The following MAP2K6 variants were observed in gnomAD, a reference collection of about 807,000 sequenced individuals.
MAP2K6 encodes the protein dual specificity mitogen-activated protein kinase kinase 6.
In MAP2K6, 16 loss-of-function variants were observed where a neutral mutation model predicts 53.7. The observed-to-expected ratio is 0.30, with a 90% CI of 0.20 to 0.45. The LOEUF (loss-of-function observed/expected upper bound fraction) is 0.45, where lower values mean the gene tolerates loss of function less well. Among genes scored for constraint, MAP2K6 ranks in the 20% least tolerant of loss-of-function variants. MAP2K6 has a pLI of 1.00. For synonymous variants in MAP2K6, 132 were observed against 143.1 expected, an observed-to-expected ratio of 0.92 and a Z score of 0.55; for missense variants, 204 against 411.9, an observed-to-expected ratio of 0.50 and a Z score of 4.37.
rs1391209592 is a variant in MAP2K6 at position 69,536,172 on chromosome 17, T to C, written c.927+12T>C. On this transcript the variant is annotated intron_variant, in intron 11 of 11. Transcript: ENST00000590474. ...ACCCAGAGCTAATGGTGAGTATTGTTAGCAACGTAAACATGACTATACTGA... is the reference window on the plus strand; with the variant it reads ...ACCCAGAGCTAATGGTGAGTATTGTCAGCAACGTAAACATGACTATACTGA... 6.2e-7 allele frequency: 1 copy of C among 1,608,198 alleles called. No individual in the cohort carries two copies. The highest frequency in any genetic ancestry group is 1.1e-5 in the South Asian group (1 of 90,514).
At chr17:69,492,250 C>T (rs142513060) in intron 1 of MAP2K6, among the ~76,000 whole-genome samples, 223 of 152,228 alleles carry the variant, frequency 1.5e-3, no homozygotes, top group Non-Finnish European at 2.5e-3. Context: ...AGTGGTAGTG[C>T]CTAGGTTGTC....
At chr17:69,448,382 G>A (rs1467008528) in intron 1 of MAP2K6, among the ~76,000 whole-genome samples, 2 of 151,482 alleles carry the variant, frequency 1.3e-5, no homozygotes, top group African/African-American at 4.9e-5. Flanking sequence ...TTTTTATTTA[G>A]GAAACACAGT....
intron 1 of MAP2K6, among the ~76,000 whole-genome samples, chr17:69,416,098 G>A (rs1452494758): frequency 6.6e-6 from 1 of 152,174 alleles, no homozygotes; most frequent in Non-Finnish European, 1.5e-5. Flanking sequence ...ATGATGAAGA[G>A]AGGTGTTAGA....
chr17:69,535,855 A>G lies in MAP2K6; in HGVS notation c.882-260A>G, dbSNP rs960643883. 3.3e-5 allele frequency among the ~76,000 whole-genome samples: 5 copies of G among 150,244 alleles called. No individual in the cohort carries two copies. In the East Asian group the frequency reaches 1.0e-3, roughly 30 times the overall value. ...GATCAGAAAAATTAGTGTGCATATC[A>G]TCGGTAAAGTATCAAAAGGAAAGTA... On this transcript the variant is annotated intron_variant, in intron 10 of 11. Coordinates refer to ENST00000590474, the MANE Select transcript of MAP2K6 (RefSeq NM_002758.4).
intron 1 of MAP2K6, among the ~76,000 whole-genome samples, chr17:69,477,954 T>C (rs1261102062): frequency 6.6e-6 from 1 of 152,136 alleles, no homozygotes; most frequent in African/African-American, 2.4e-5. Context: ...AAAAGAACTC[T>C]TCATAAACAG....
chr17:69,450,637 C>G (rs561785763), intron 1 of MAP2K6, among the ~76,000 whole-genome samples: 1 of 152,004 alleles, frequency 6.6e-6, no homozygotes, highest in South Asian at 2.1e-4. Context: ...AACGGAATGT[C>G]TTTTCCTTGA....
In MAP2K6 at chr17:69,488,545, A is replaced by T. The variant is rs146709031; in HGVS notation, c.17-17235A>T. Among the ~76,000 whole-genome samples, 207 of 152,336 alleles carry T rather than the reference A, an allele frequency of 1.4e-3. 1 individual carries two copies. The highest frequency in any genetic ancestry group is 6.8e-3 in the Middle Eastern group (2 of 294). On this transcript the variant is annotated intron_variant, in intron 1 of 11. Coordinates refer to ENST00000590474, the MANE Select transcript of MAP2K6 (RefSeq NM_002758.4). ...TAAATGCCCATCAGTAATAGACTGG[A>T]TAAAGAAAATGTGGTACATATACAC...
At chr17:69,516,936 T>C (rs758555925) in intron 3 of MAP2K6, 33 bp downstream of exon 3, 13 of 1,498,908 alleles carry the variant, frequency 8.7e-6, no homozygotes, top group African/African-American at 1.4e-5. Context: ...ACCTAATACG[T>C]TGGCCATTTT....
chr17:69,498,129 T>C (rs958171335), intron 1 of MAP2K6, among the ~76,000 whole-genome samples: 2 of 152,160 alleles, frequency 1.3e-5, no homozygotes, highest in African/African-American at 4.8e-5. Context: ...TGGGGAATGA[T>C]TGACAATTTC....
intron 1 of MAP2K6, among the ~76,000 whole-genome samples, chr17:69,458,150 T>A (rs1907484314): frequency 1.3e-5 from 2 of 152,106 alleles, no homozygotes; most frequent in African/African-American, 2.4e-5. Flanking sequence ...GCCTTCTGGG[T>A]TCCAGTGATC....
intron 1 of MAP2K6, among the ~76,000 whole-genome samples, chr17:69,450,349 C>T (rs145543380): frequency 2.0e-5 from 3 of 152,272 alleles, no homozygotes; most frequent in Non-Finnish European, 2.9e-5. Flanking sequence ...ATAAAGTACT[C>T]GGCTTGACTC....
At chr17:69,438,399 T>C (rs2145145900) in intron 1 of MAP2K6, among the ~76,000 whole-genome samples, 1 of 152,260 alleles carries the variant, frequency 6.6e-6, no homozygotes, top group Non-Finnish European at 1.5e-5. Context: ...TCACAAAAAA[T>C]TATATGGAAG....
intron 1 of MAP2K6, among the ~76,000 whole-genome samples, chr17:69,498,952 G>C (rs2715820): frequency 0.41 from 61,610 of 151,784 alleles, 12,873 homozygotes; most frequent in East Asian, 0.52. Context: ...CTGGCCACTG[G>C]TTTGGAGCCA....
chr17:69,462,266 C>T (rs1283967296), intron 1 of MAP2K6, among the ~76,000 whole-genome samples: 3 of 152,056 alleles, frequency 2.0e-5, no homozygotes, highest in Admixed American at 2.0e-4. Flanking sequence ...AGGGGATGGA[C>T]TCTGGTCAGC....
chr17:69,429,038 G>A (rs767435488), intron 1 of MAP2K6, among the ~76,000 whole-genome samples: 1 of 151,782 alleles, frequency 6.6e-6, no homozygotes, highest in Non-Finnish European at 1.5e-5. Flanking sequence ...GGTTGTCACA[G>A]GCAGCTTTGA....
chr17:69,462,725 C>G (rs1053998875), intron 1 of MAP2K6, among the ~76,000 whole-genome samples: 1 of 152,192 alleles, frequency 6.6e-6, no homozygotes, highest in African/African-American at 2.4e-5. Context: ...GGATTTTCCA[C>G]CTTCATGCTC....
intron 1 of MAP2K6, among the ~76,000 whole-genome samples, chr17:69,475,900 AG>A (rs1908133747): frequency 6.6e-6 from 1 of 152,158 alleles, no homozygotes; most frequent in Non-Finnish European, 1.5e-5. Flanking sequence ...AAATAAGAGG[AG>A]TGTAATCCTG....
chr17:69,485,457 C>T (rs899996183), intron 1 of MAP2K6: 1 of 983,208 alleles, frequency 1.0e-6, no homozygotes, highest in Admixed American at 6.2e-5. Flanking sequence ...ACTACTTCCT[C>T]AGAAGCTTAT....
rs1271027972 is a variant in MAP2K6 at position 69,455,032 on chromosome 17, ATTATTTTT to A, written c.16+40035_16+40042del. The stretch of plus-strand genomic sequence containing the variant: ...GAGTTGGAGAGTCATTCTTACTATT[ATTATTTTT>A]TTTTTTTTTTGGTGGAGGGGAGGTA... On this transcript the variant is annotated intron_variant, in intron 1 of 11. Coordinates refer to ENST00000590474, the MANE Select transcript of MAP2K6 (RefSeq NM_002758.4). 5.7e-5 allele frequency among the ~76,000 whole-genome samples: 3 copies of A among 52,216 alleles called. No homozygotes were observed. In the South Asian group the frequency reaches 1.4e-3, roughly 24 times the overall value. 34.3% of individuals were successfully genotyped at this position (52,216 alleles called of 152,430 possible).
Sources: gnomAD v4.1 joint callset for allele counts (sites outside exome capture counted in the v4.1 genomes callset) on GRCh38, gnomAD v4.1.1 for gene constraint, MANE v1.5 for transcripts, NCBI Gene and HGNC (gene_info 2026-07-23, HGNC 2026-07-21) for gene names.